The following ZNF782 variants were observed in gnomAD, a reference collection of about 807,000 sequenced individuals.
ZNF782 encodes the protein zinc finger protein 782.
A neutral mutation model predicts 13.0 loss-of-function variants in ZNF782; 12 were observed. The observed-to-expected ratio is 0.92, with a 90% CI of 0.59 to 1.50. The LOEUF (loss-of-function observed/expected upper bound fraction) is 1.50. ZNF782 is among the 40% of genes most tolerant of loss of function. The pLI, the probability that ZNF782 is intolerant of heterozygous loss-of-function variation, is 0.00. For missense variants in ZNF782, 770 were observed against 822.9 expected (o/e 0.94, Z 0.79); for synonymous variants, 284 against 283.0 (o/e 1.00, Z -0.04).
chr9:96,823,201 A>T lies in ZNF782; in HGVS notation c.245-3423T>A, dbSNP rs7019211. On this transcript the variant is annotated intron_variant, in intron 5 of 5. Coordinates refer to ENST00000481138, the MANE Select transcript of ZNF782 (RefSeq NM_001001662.3). ...TCTACCTCGTAGCATGAGCACATAA[A>T]TGAATAGCTATGGCTGTGTTCTAGA... 5.8e-3 allele frequency among the ~76,000 whole-genome samples: 877 copies of T among 152,328 alleles called. 8 individuals carry two copies. Among genetic ancestry groups the T allele is most frequent in the African/African-American group, 0.02 (845 of 41,572 alleles).
the ZNF782 span, among the ~76,000 whole-genome samples, chr9:96,911,543 G>C: frequency 3.3e-5 from 4 of 120,028 alleles, no homozygotes; most frequent in Non-Finnish European, 6.6e-5. Flanking sequence ...TTTTTTGAGA[G>C]TTAGTCTCGC....
upstream of ZNF782, among the ~76,000 whole-genome samples, chr9:96,879,705 A>T (rs979318280): frequency 2.0e-5 from 3 of 152,238 alleles, no homozygotes; most frequent in African/African-American, 7.2e-5. Flanking sequence ...TGGCCTTAAA[A>T]AGAGGAACAT....
the ZNF782 span, among the ~76,000 whole-genome samples, chr9:96,920,166 T>C: frequency 6.7e-6 from 1 of 149,970 alleles, no homozygotes; most frequent in Non-Finnish European, 1.5e-5. Context: ...GTGGTGAAAC[T>C]GGAAAGGGCA....
intron 4 of ZNF782, among the ~76,000 whole-genome samples, chr9:96,841,539 G>C (rs1018579950): frequency 6.6e-6 from 1 of 151,888 alleles, no homozygotes; most frequent in East Asian, 1.9e-4. Context: ...ACCAAGTAAG[G>C]TTTATTCCAA....
chr9:96,853,224 C>G (rs1851554061), intron 1 of ZNF782, among the ~76,000 whole-genome samples, 155 bp from the exon 2 acceptor site: 1 of 152,196 alleles, frequency 6.6e-6, no homozygotes. Context: ...CTTCTCAAAG[C>G]TGGCCCAAAC....
chr9:96,819,781 A>G lies in ZNF782; in HGVS notation c.245-3T>C, dbSNP rs765108019. The G allele has an allele frequency of 7.7e-6, 12 of 1,550,900 alleles. No individual in the cohort carries two copies. The highest frequency in any genetic ancestry group is 8.6e-6 in the Non-Finnish European group (10 of 1,156,382). ...GATTTCATCAGGTTGGGAGTCTTCT[A>G]AAAATGATAAAATTAAACAAACTTT... On this transcript the variant is annotated splice_region_variant and splice_polypyrimidine_tract_variant and intron_variant, in intron 5 of 5. Coordinates refer to ENST00000481138, the MANE Select transcript of ZNF782 (RefSeq NM_001001662.3).
chr9:96,884,305 C>T, the ZNF782 span, among the ~76,000 whole-genome samples: 2 of 152,160 alleles, frequency 1.3e-5, no homozygotes, highest in African/African-American at 2.4e-5. Flanking sequence ...TTTGACAATG[C>T]AGTAAAAGGC....
At chr9:96,841,296 G>C (rs1476578188) in intron 4 of ZNF782, among the ~76,000 whole-genome samples, 3 of 151,830 alleles carry the variant, frequency 2.0e-5, no homozygotes, top group Admixed American at 1.3e-4. Flanking sequence ...GGTTTCACTA[G>C]ATAACTCTAT....
the ZNF782 span, among the ~76,000 whole-genome samples, chr9:96,901,261 G>GA: frequency 7.6e-5 from 11 of 143,944 alleles, no homozygotes; most frequent in Non-Finnish European, 1.4e-4. Flanking sequence ...TCCTATAATT[G>GA]AAAAAAAACT....
chr9:96,823,202 T>C (rs1850484401), intron 5 of ZNF782, among the ~76,000 whole-genome samples: 1 of 152,200 alleles, frequency 6.6e-6, no homozygotes, highest in Non-Finnish European at 1.5e-5. Context: ...AGCACATAAA[T>C]GAATAGCTAT....
chr9:96,925,447 G>A, the ZNF782 span, among the ~76,000 whole-genome samples: 3 of 152,090 alleles, frequency 2.0e-5, no homozygotes, highest in Non-Finnish European at 2.9e-5. Flanking sequence ...AGACCAGCCT[G>A]GCCAATATGG....
chr9:96,829,827 G>A (rs1850739657), intron 4 of ZNF782, among the ~76,000 whole-genome samples: 1 of 152,084 alleles, frequency 6.6e-6, no homozygotes, highest in Non-Finnish European at 1.5e-5. Context: ...AAATAAAAAA[G>A]CCATATTCTA....
chr9:96,925,780 C>G, the ZNF782 span, among the ~76,000 whole-genome samples: 6 of 149,218 alleles, frequency 4.0e-5, no homozygotes, highest in South Asian at 2.1e-4. Context: ...AGAGCCTTCA[C>G]GTCTATGACG....
At chr9:96,848,734 T>A (rs1028831489) in intron 3 of ZNF782, among the ~76,000 whole-genome samples, 12 of 152,176 alleles carry the variant, frequency 7.9e-5, no homozygotes, top group Non-Finnish European at 2.9e-5. Flanking sequence ...ATCAATATTG[T>A]GAAAATGACC....
intron 4 of ZNF782, among the ~76,000 whole-genome samples, chr9:96,834,429 G>A (rs1385523590): frequency 6.6e-6 from 1 of 152,150 alleles, no homozygotes; most frequent in Admixed American, 6.5e-5. Flanking sequence ...CCAGTCTCAG[G>A]TATTTCTTCA....
chr9:96,823,399 G>T (rs969162007), intron 5 of ZNF782, among the ~76,000 whole-genome samples: 21 of 152,164 alleles, frequency 1.4e-4, no homozygotes, highest in Admixed American at 1.3e-3. Flanking sequence ...AACACTTGCA[G>T]TTTTTTGTTT....
intron 5 of ZNF782, among the ~76,000 whole-genome samples, chr9:96,821,339 T>A (rs1180461998): frequency 6.6e-6 from 1 of 152,258 alleles, no homozygotes; most frequent in Admixed American, 6.5e-5. Context: ...ATTCTTTCTC[T>A]GAATCACTCT....
intron 4 of ZNF782, among the ~76,000 whole-genome samples, chr9:96,843,406 G>T (rs1851246864): frequency 1.3e-5 from 2 of 152,164 alleles, no homozygotes; most frequent in African/African-American, 4.8e-5. Context: ...TACGCTGAGT[G>T]AAAAAGCCAG....
At chr9:96,916,274 T>C in the ZNF782 span, among the ~76,000 whole-genome samples, 8 of 151,930 alleles carry the variant, frequency 5.3e-5, no homozygotes, top group African/African-American at 1.7e-4. Context: ...GCGGATCACT[T>C]GAGGCCAGGA....
Sources: allele counts gnomAD v4.1 joint callset (sites outside exome capture counted in the v4.1 genomes callset), GRCh38; gene constraint gnomAD v4.1.1; transcripts MANE v1.5; gene names NCBI Gene and HGNC (gene_info 2026-07-23, HGNC 2026-07-21).